Variants in FAM149B1 observed in about 807,000 individuals in gnomAD.
FAM149B1 encodes the protein family with sequence similarity 149 member B1.
FAM149B1 carries 56 observed loss-of-function variants against 75.3 expected under a neutral mutation model. The ratio of observed to expected loss-of-function variants is 0.74; its 90% CI spans 0.60 to 0.93. The LOEUF (loss-of-function observed/expected upper bound fraction) is 0.93, where lower values mean the gene tolerates loss of function less well. Ranked by LOEUF, FAM149B1 falls within the 40% of genes least tolerant of loss-of-function variation. The pLI is 0.00. For missense variants in FAM149B1, 639 were observed against 708.4 expected (o/e 0.90, Z 1.11); for synonymous variants, 259 against 256.1 (o/e 1.01, Z -0.11).
At chr10:73,230,038 A>G (rs2043647578) in intron 8 of FAM149B1, among the ~76,000 whole-genome samples, 1 of 152,228 alleles carries the variant, frequency 6.6e-6, no homozygotes, top group Non-Finnish European at 1.5e-5. Flanking sequence ...TTGTGTGATG[A>G]TGAAAGAGAT....
rs1410252478 is a variant in FAM149B1, at chr10:73,243,521, T to C, written c.*2502T>C. 2.5e-6 allele frequency: 4 copies of C among 1,614,136 alleles called. No homozygotes were observed. The highest frequency in any genetic ancestry group is 1.7e-5 in the Admixed American group (1 of 60,000). ...CTTTTGCCGATCCTTTTGTCTGCTC[T>C]GTTTGAGAAGTTAAAACACAAGCTT... On this transcript the variant is annotated 3_prime_UTR_variant, in exon 14 of 14. Coordinates refer to ENST00000242505, the MANE Select transcript of FAM149B1 (RefSeq NM_173348.2).
chr10:73,210,418 A>G lies in FAM149B1; in HGVS notation c.878A>G (p.His293Arg). 6.5e-7 allele frequency: 1 copy of G among 1,541,156 alleles called. No homozygotes were observed. The highest frequency in any genetic ancestry group is 8.7e-7 in the Non-Finnish European group (1 of 1,143,242). Residue 293 changes from histidine (H) to arginine (R), a missense_variant, in exon 7 of 14, where the codon CAC becomes CGC. By Grantham distance (29) the His-to-Arg change is conservative. Coordinates refer to ENST00000242505, the MANE Select transcript of FAM149B1 (RefSeq NM_173348.2). ...TGTATGGAGCAGTTGACACGTAGTC[A>G]CTGGGAAGGATTTGCCTCTGGTAAG... ...VSCMEQLTRS[H>R]WEGFASDDES...
chr10:73,228,220 C>T (rs949899106), intron 8 of FAM149B1, 36 bp downstream of exon 8: 1 of 1,539,070 alleles, frequency 6.5e-7, no homozygotes, highest in South Asian at 1.2e-5. Flanking sequence ...GACCCCAGGG[C>T]TACTCTCACC....
At chr10:73,192,775 T>C in intron 4 of FAM149B1, 77 bp downstream of exon 4, 4 of 1,293,494 alleles carry the variant, frequency 3.1e-6, no homozygotes, top group Non-Finnish European at 4.1e-6. Context: ...AAAAAGCTTG[T>C]ATTCTGAAAT....
chr10:73,171,759 G>C (rs566624856), intron 1 of FAM149B1, among the ~76,000 whole-genome samples: 1 of 151,878 alleles, frequency 6.6e-6, no homozygotes, highest in East Asian at 1.9e-4. Context: ...CTCCCGAGTA[G>C]CTGGGACTAC....
Position 73,241,577 on chromosome 10 carries a change from G to A in FAM149B1, c.*558G>A, listed in dbSNP as rs1051712474. ...GGGGTGTGTAACTAAAAACATAAATGTTAAGCATTAGTATAAAGTAACTTC... is the reference window on the plus strand; with the variant it reads ...GGGGTGTGTAACTAAAAACATAAATATTAAGCATTAGTATAAAGTAACTTC... On this transcript the variant is annotated 3_prime_UTR_variant, in exon 14 of 14. Transcript: ENST00000242505. The A allele has an allele frequency of 3.2e-5, 5 of 154,998 alleles. No individual in the cohort carries two copies. Among genetic ancestry groups the A allele is most frequent in the African/African-American group, 9.7e-5 (4 of 41,428 alleles). The allele number at this position is 154,998 out of a possible 1,614,324, so 9.6% of individuals were successfully genotyped here.
chr10:73,243,751 TAAA>T lies in FAM149B1; in HGVS notation c.*2734_*2736del. 1.5e-6 allele frequency: 2 copies of T among 1,308,438 alleles called. No individual in the cohort carries two copies. The highest frequency in any genetic ancestry group is 4.1e-5 in the Admixed American group (2 of 48,886). 81.1% of individuals were successfully genotyped at this position (1,308,438 alleles called of 1,614,324 possible). The stretch of plus-strand genomic sequence containing the variant: ...AAATAGAAGGTATGCGGTTATGTCT[TAAA>T]AGAAGAAAACAAAATACAACATTCC... On this transcript the variant is annotated 3_prime_UTR_variant, in exon 14 of 14. Transcript: ENST00000242505.
intron 3 of FAM149B1, among the ~76,000 whole-genome samples, chr10:73,190,780 A>C (rs75325816): frequency 0.071 from 10,639 of 150,296 alleles, 628 homozygotes; most frequent in East Asian, 0.3. Context: ...TAGCAGTAGC[A>C]CAATCATAGC....
intron 5 of FAM149B1, chr10:73,200,867 G>A: frequency 2.0e-6 from 1 of 510,636 alleles, no homozygotes; most frequent in Non-Finnish European, 4.0e-6. Flanking sequence ...AAGGTGGACT[G>A]GCTGACTGAG....
At chr10:73,195,403 A>G (rs1242633131) in intron 5 of FAM149B1, among the ~76,000 whole-genome samples, 5 of 152,180 alleles carry the variant, frequency 3.3e-5, no homozygotes, top group Admixed American at 1.3e-4. Flanking sequence ...TATTATATCG[A>G]TAAGTTTACT....
intron 8 of FAM149B1, among the ~76,000 whole-genome samples, chr10:73,229,558 G>T (rs2043635664): frequency 6.6e-6 from 1 of 152,216 alleles, no homozygotes; most frequent in Non-Finnish European, 1.5e-5. Flanking sequence ...CTGGGTGACA[G>T]AGCAAGACTC....
intron 7 of FAM149B1, among the ~76,000 whole-genome samples, chr10:73,220,014 C>T (rs1168752063): frequency 6.6e-6 from 1 of 150,988 alleles, no homozygotes; most frequent in Admixed American, 6.6e-5. Context: ...TGATAAGCAT[C>T]TAGTATCCAG....
At chr10:73,184,692 A>G (rs572723678) in intron 3 of FAM149B1, among the ~76,000 whole-genome samples, 2 of 152,198 alleles carry the variant, frequency 1.3e-5, no homozygotes, top group East Asian at 3.8e-4. Context: ...TGAAAAAGGA[A>G]TCTATAAGGG....
At chr10:73,234,417 TA>T (rs1251376271) in intron 10 of FAM149B1, 2 of 185,322 alleles carry the variant, frequency 1.1e-5, no homozygotes, top group African/African-American at 4.7e-5. Context: ...AATGAAGGTT[TA>T]GGAACTTTAC....
intron 7 of FAM149B1, among the ~76,000 whole-genome samples, chr10:73,215,959 G>A (rs1173835121): frequency 3.3e-5 from 5 of 152,078 alleles, no homozygotes; most frequent in African/African-American, 9.7e-5. Context: ...ATATTTCTTT[G>A]TTTTCTGTCT....
At chr10:73,215,057 G>T (rs1055563247) in intron 7 of FAM149B1, among the ~76,000 whole-genome samples, 2 of 152,114 alleles carry the variant, frequency 1.3e-5, no homozygotes, top group African/African-American at 4.8e-5. Flanking sequence ...CTGTCACCCA[G>T]GCTGGAGTGC....
At chr10:73,171,237 C>T (rs1843700165) in intron 1 of FAM149B1, among the ~76,000 whole-genome samples, 1 of 152,154 alleles carries the variant, frequency 6.6e-6, no homozygotes, top group African/African-American at 2.4e-5. Context: ...CCGCGCCTGG[C>T]CTACTTGTTC....
intron 3 of FAM149B1, among the ~76,000 whole-genome samples, chr10:73,179,321 A>T (rs532173734): frequency 3.0e-4 from 45 of 152,274 alleles, no homozygotes; most frequent in African/African-American, 1.0e-3. Context: ...AGTTATAATC[A>T]TGATGTACAC....
At chr10:73,226,918 A>C (rs2043566816) in intron 7 of FAM149B1, among the ~76,000 whole-genome samples, 2 of 152,170 alleles carry the variant, frequency 1.3e-5, no homozygotes, top group Admixed American at 1.3e-4. Context: ...GCCAAACTGC[A>C]TGCAGGTTTG....
Sources: allele counts gnomAD v4.1 joint callset (sites outside exome capture counted in the v4.1 genomes callset), GRCh38; gene constraint gnomAD v4.1.1; transcripts MANE v1.5; gene names NCBI Gene and HGNC (gene_info 2026-07-23, HGNC 2026-07-21).